CDKAL1: variants seen among roughly 807,000 people sequenced by gnomAD.
CDKAL1 encodes CDKAL1 threonylcarbamoyladenosine tRNA methylthiotransferase.
A neutral mutation model predicts 68.2 loss-of-function variants in CDKAL1; 32 were observed. The ratio of observed to expected loss-of-function variants is 0.47; its 90% CI spans 0.35 to 0.63. The LOEUF (loss-of-function observed/expected upper bound fraction) is 0.63. CDKAL1 is among the 30% of genes least tolerant of loss of function. The probability of loss-of-function intolerance (pLI) is 0.00; values close to 1 mark genes in which losing one functional copy is unlikely to be tolerated. For synonymous variants in CDKAL1, 234 were observed against 244.3 expected, an observed-to-expected ratio of 0.96 and a Z score of 0.39; for missense variants, 606 against 696.7, an observed-to-expected ratio of 0.87 and a Z score of 1.47.
chr6:20,774,257 A>T (rs1363734705), intron 7 of CDKAL1, among the ~76,000 whole-genome samples: 1 of 152,192 alleles, frequency 6.6e-6, no homozygotes, highest in Non-Finnish European at 1.5e-5. Flanking sequence ...GATCATTGGT[A>T]TTTCTGTAAT....
chr6:21,146,001 G>C (rs1415562392), intron 13 of CDKAL1, among the ~76,000 whole-genome samples: 2 of 152,158 alleles, frequency 1.3e-5, no homozygotes, highest in African/African-American at 2.4e-5. Flanking sequence ...AGGTTCTAGT[G>C]GACTAGAATG....
chr6:20,589,836 T>G (rs1232343361), intron 4 of CDKAL1, among the ~76,000 whole-genome samples: 1 of 152,196 alleles, frequency 6.6e-6, no homozygotes, highest in African/African-American at 2.4e-5. Flanking sequence ...ACACTGACTT[T>G]AAAATTGCAT....
chr6:21,091,499 C>T (rs1341672361), intron 12 of CDKAL1, among the ~76,000 whole-genome samples: 1 of 152,172 alleles, frequency 6.6e-6, no homozygotes, highest in Non-Finnish European at 1.5e-5. Flanking sequence ...GAAGCAGCAG[C>T]TGGATTGCCC....
intron 8 of CDKAL1, among the ~76,000 whole-genome samples, chr6:20,810,533 G>C (rs1776763344): frequency 6.6e-6 from 1 of 150,850 alleles, no homozygotes; most frequent in Non-Finnish European, 1.5e-5. Context: ...GGAGTTCCAG[G>C]CTGCAGTGAG....
In CDKAL1 at chr6:20,785,827, G is replaced by T. The variant is rs959426663; in HGVS notation, c.638+4562G>T. Among the ~76,000 whole-genome samples the T allele has an allele frequency of 3.3e-5, 5 of 152,080 alleles. 1 individual carries two copies. Among genetic ancestry groups the T allele is most frequent in the Admixed American group, 3.3e-4 (5 of 15,278 alleles). On this transcript the variant is annotated intron_variant, in intron 8 of 15. Transcript: ENST00000274695. ...TTCGTTTAGGAAAAGGGTCCCATTT[G>T]TAGCAACTTTTATTGTATGTATTAG...
At position 20,758,604 on chromosome 6, in the gene CDKAL1, A is replaced by C. The variant is rs773152917; in HGVS notation, c.478A>C (p.Ile160Leu). 1.9e-6 allele frequency: 3 copies of C among 1,606,648 alleles called. No individual in the cohort carries two copies. Among genetic ancestry groups the C allele is most frequent in the Non-Finnish European group, 2.5e-6 (3 of 1,177,334 alleles). The change falls in exon 7 of 16, where the codon ATA becomes CTA. Residue 160 changes from isoleucine (I) to leucine (L), a missense_variant. By Grantham distance (5) the Ile-to-Leu change is conservative (BLOSUM62 2). Transcript: ENST00000274695. ...KGLSIIGVQQ[I>L]DRVVEVVEET... The stretch of plus-strand genomic sequence containing the variant: ...TTTTTTTTTTTTCCAGGTTCAGCAG[A>C]TAGATCGTGTGGTAGAAGTTGTGGA...
At chr6:20,860,405 GTA>G in intron 9 of CDKAL1, among the ~76,000 whole-genome samples, 1 of 152,274 alleles carries the variant, frequency 6.6e-6, no homozygotes, top group Non-Finnish European at 1.5e-5. Flanking sequence ...TTTGTACTTT[GTA>G]TTCATTTATC....
chr6:20,584,196 C>A (rs1182622855), intron 4 of CDKAL1, among the ~76,000 whole-genome samples: 1 of 151,876 alleles, frequency 6.6e-6, no homozygotes, highest in Admixed American at 6.6e-5. Context: ...TGTTCAGATT[C>A]TTAAGGCTTT....
intron 13 of CDKAL1, among the ~76,000 whole-genome samples, chr6:21,147,359 CGAGTAACTAACTTCCT>C (rs1776226958): frequency 6.6e-6 from 1 of 152,080 alleles, no homozygotes; most frequent in Non-Finnish European, 1.5e-5. Context: ...ACGTAACACC[CGAGTAACTAACTTCCT>C]TATGAGATTG....
chr6:20,838,609 G>T (rs1778052500), intron 8 of CDKAL1, among the ~76,000 whole-genome samples: 1 of 152,128 alleles, frequency 6.6e-6, no homozygotes, highest in Non-Finnish European at 1.5e-5. Flanking sequence ...AACAGTTGTT[G>T]CTATTAAGGG....
intron 12 of CDKAL1, among the ~76,000 whole-genome samples, 179 bp downstream of exon 12, chr6:21,065,407 C>T (rs774925898): frequency 6.6e-6 from 1 of 151,846 alleles, no homozygotes; most frequent in Non-Finnish European, 1.5e-5. Context: ...CCTTAGGCAA[C>T]TAAAATATAA....
chr6:20,975,157 T>G (rs1029020408), intron 10 of CDKAL1, among the ~76,000 whole-genome samples: 9 of 152,180 alleles, frequency 5.9e-5, no homozygotes, highest in African/African-American at 2.2e-4. Flanking sequence ...AAATACCAAA[T>G]TAGAGCCAGA....
At chr6:20,732,793 C>T (rs1004499563) in intron 5 of CDKAL1, among the ~76,000 whole-genome samples, 8 of 151,974 alleles carry the variant, frequency 5.3e-5, no homozygotes, top group Admixed American at 2.0e-4. Context: ...TTTACTTTTC[C>T]GCCCTTCATT....
rs1392323276 is a variant in CDKAL1, at chr6:20,799,051, T to G, written c.638+17786T>G. Among the ~76,000 whole-genome samples the G allele has an allele frequency of 2.8e-3, 323 of 116,146 alleles. 3 individuals carry two copies. Among genetic ancestry groups the G allele is most frequent in the African/African-American group, 0.011 (316 of 29,778 alleles). The allele number at this position is 116,146 out of a possible 152,430, so 76.2% of individuals were successfully genotyped here. On this transcript the variant is annotated intron_variant, in intron 8 of 15. Coordinates refer to ENST00000274695, the MANE Select transcript of CDKAL1 (RefSeq NM_017774.3). ...TTGAAAAGAACTGAGTTTTTTTTTTTTTTTTTTTTTTTTTTTTTGAGACGG... is the reference window on the plus strand; with the variant it reads ...TTGAAAAGAACTGAGTTTTTTTTTTGTTTTTTTTTTTTTTTTTTGAGACGG...
At chr6:20,979,704 T>C (rs1766014030) in intron 10 of CDKAL1, among the ~76,000 whole-genome samples, 1 of 152,066 alleles carries the variant, frequency 6.6e-6, no homozygotes, top group Admixed American at 6.6e-5. Flanking sequence ...ATTGACACTT[T>C]TGTTTGCTGT....
At chr6:21,223,946 C>A (rs1779631434) in intron 15 of CDKAL1, among the ~76,000 whole-genome samples, 1 of 152,180 alleles carries the variant, frequency 6.6e-6, no homozygotes, top group African/African-American at 2.4e-5. Context: ...GGTCAGCCAG[C>A]CACACAGTCT....
chr6:20,631,649 TC>T (rs1303453534), intron 4 of CDKAL1, among the ~76,000 whole-genome samples: 2 of 152,186 alleles, frequency 1.3e-5, no homozygotes, highest in Non-Finnish European at 2.9e-5. Flanking sequence ...TGTTAGAACC[TC>T]AGCTTGCCAG....
intron 8 of CDKAL1, among the ~76,000 whole-genome samples, chr6:20,790,343 ACTGGTGG>A (rs1303872210): frequency 6.6e-6 from 1 of 152,070 alleles, no homozygotes; most frequent in Non-Finnish European, 1.5e-5. Flanking sequence ...CAATTTAAGC[ACTGGTGG>A]GGTGGGGGGA....
intron 7 of CDKAL1, among the ~76,000 whole-genome samples, chr6:20,764,787 A>G (rs903623856): frequency 1.3e-5 from 2 of 152,270 alleles, no homozygotes; most frequent in Non-Finnish European, 1.5e-5. Flanking sequence ...TGCTTTTTCA[A>G]TAGTTGCATT....
Sources: gnomAD v4.1 joint callset for allele counts (sites outside exome capture counted in the v4.1 genomes callset) on GRCh38, gnomAD v4.1.1 for gene constraint, MANE v1.5 for transcripts, NCBI Gene and HGNC (gene_info 2026-07-23, HGNC 2026-07-21) for gene names.